Variants in PLCB1 observed in about 807,000 individuals in gnomAD.
PLCB1 encodes phospholipase C beta 1.
A neutral mutation model predicts 161.8 loss-of-function variants in PLCB1; 46 were observed. The ratio of observed to expected loss-of-function variants is 0.28; its 90% CI spans 0.22 to 0.36. The LOEUF is 0.36. Ranked by LOEUF, PLCB1 falls within the 10% of genes least tolerant of loss-of-function variation. The pLI is 1.00. For missense variants in PLCB1, 1,016 were observed against 1,472.5 expected (o/e 0.69, Z 5.07); for synonymous variants, 517 against 503.7 (o/e 1.03, Z -0.35).
At chr20:8,831,898 C>T (rs1204926730) in intron 31 of PLCB1, among the ~76,000 whole-genome samples, 2 of 129,174 alleles carry the variant, frequency 1.5e-5, no homozygotes, top group African/African-American at 5.4e-5. Context: ...CTTTCTTTCT[C>T]CCTCTCTTTC....
intron 3 of PLCB1, among the ~76,000 whole-genome samples, chr20:8,578,527 A>G (rs1047644759): frequency 6.6e-6 from 1 of 152,260 alleles, no homozygotes; most frequent in Non-Finnish European, 1.5e-5. Context: ...GTTATTTGCA[A>G]GAAGAGTAAA....
chr20:8,399,877 C>T (rs1978473168), intron 3 of PLCB1, among the ~76,000 whole-genome samples: 1 of 152,118 alleles, frequency 6.6e-6, no homozygotes, highest in South Asian at 2.1e-4. Flanking sequence ...GGTTATTCTG[C>T]CTTATAAACT....
intron 31 of PLCB1, among the ~76,000 whole-genome samples, chr20:8,820,472 A>T (rs1192964694): frequency 6.6e-6 from 1 of 152,190 alleles, no homozygotes; most frequent in South Asian, 2.1e-4. Flanking sequence ...TTTTAAGTCT[A>T]ACAATATCAA....
At chr20:8,677,500 C>G (rs533531333) in intron 9 of PLCB1, among the ~76,000 whole-genome samples, 18 of 152,244 alleles carry the variant, frequency 1.2e-4, no homozygotes, top group African/African-American at 3.4e-4. Context: ...AACAAGACAA[C>G]AGCTTTCAGA....
At chr20:8,151,794 C>T (rs116927882) in intron 2 of PLCB1, among the ~76,000 whole-genome samples, 6,859 of 152,180 alleles carry the variant, frequency 0.045, 206 homozygotes, top group Middle Eastern at 0.14. Context: ...AGAGACCAAA[C>T]TGTCAGTTTG....
intron 31 of PLCB1, among the ~76,000 whole-genome samples, chr20:8,805,185 TC>T (rs1984476577): frequency 6.6e-6 from 1 of 152,178 alleles, no homozygotes; most frequent in Non-Finnish European, 1.5e-5. Context: ...AAAAATATAT[TC>T]CTTGTTATCA....
intron 2 of PLCB1, among the ~76,000 whole-genome samples, chr20:8,215,370 A>G (rs1488637531): frequency 6.6e-6 from 1 of 152,048 alleles, no homozygotes; most frequent in Admixed American, 6.6e-5. Flanking sequence ...TGAAGCTAGG[A>G]TGCTTGGGGA....
intron 3 of PLCB1, among the ~76,000 whole-genome samples, chr20:8,481,141 A>G (rs991425561): frequency 1.3e-5 from 2 of 151,584 alleles, no homozygotes; most frequent in Admixed American, 1.3e-4. Context: ...AAAAAGAAAC[A>G]TGTAAAATAC....
chr20:8,336,796 A>G (rs1985597410), intron 2 of PLCB1, among the ~76,000 whole-genome samples: 1 of 152,204 alleles, frequency 6.6e-6, no homozygotes, highest in Non-Finnish European at 1.5e-5. Context: ...TGTTGATTAT[A>G]TAGGTGTTTC....
chr20:8,397,870 C>G (rs898125310), intron 3 of PLCB1, among the ~76,000 whole-genome samples: 4 of 151,976 alleles, frequency 2.6e-5, no homozygotes, highest in Non-Finnish European at 4.4e-5. Flanking sequence ...TGTGAATGAG[C>G]ATTTAGGTTG....
At position 8,788,466 on chromosome 20, in the gene PLCB1, G is replaced by A. The variant is rs141102170; in HGVS notation, c.3129G>A (p.Thr1043=). 1.4e-5 allele frequency: 23 copies of A among 1,613,398 alleles called. No individual in the cohort carries two copies. In the East Asian group the frequency reaches 1.8e-4, roughly 13 times the overall value. ...TTTTCCAGCTTATTCAAAAGTTGAC[G>A]GATGTCGCAGAAGAGTGTCAGAACA... ...EHIKLLIQKL[T]DVAEECQNNQ... is the part of the protein sequence containing the mutation. Residue 1043 remains threonine (T), a synonymous_variant, in exon 28 of 32, where the codon ACG becomes ACA. Transcript: ENST00000338037.
At chr20:8,604,937 G>T (rs959142480) in intron 3 of PLCB1, among the ~76,000 whole-genome samples, 1 of 151,884 alleles carries the variant, frequency 6.6e-6, no homozygotes, top group Admixed American at 6.6e-5. Context: ...TATCACTGGG[G>T]ATTTTTTTAA....
At chr20:8,673,732 A>G (rs1990005463) in intron 9 of PLCB1, among the ~76,000 whole-genome samples, 1 of 152,200 alleles carries the variant, frequency 6.6e-6, no homozygotes, top group South Asian at 2.1e-4. Context: ...ATGAAGCACA[A>G]AACCACTCAC....
chr20:8,571,337 A>G (rs1378995011), intron 3 of PLCB1, among the ~76,000 whole-genome samples: 2 of 152,050 alleles, frequency 1.3e-5, no homozygotes, highest in African/African-American at 4.8e-5. Flanking sequence ...CAAAAATTAG[A>G]TGGGCGTGGT....
At chr20:8,451,450 C>T (rs976889268) in intron 3 of PLCB1, among the ~76,000 whole-genome samples, 1 of 152,082 alleles carries the variant, frequency 6.6e-6, no homozygotes, top group Non-Finnish European at 1.5e-5. Context: ...TGGGTTCAAG[C>T]GATTCTCATG....
intron 3 of PLCB1, among the ~76,000 whole-genome samples, chr20:8,496,747 C>T (rs1200308126): frequency 2.6e-5 from 4 of 152,176 alleles, no homozygotes; most frequent in Admixed American, 2.6e-4. Flanking sequence ...CAGAGCAGAT[C>T]ATAAGTCAAT....
At position 8,532,461 on chromosome 20, in the gene PLCB1, C is replaced by T. The variant is rs1164883834; in HGVS notation, c.247-95833C>T. Among the ~76,000 whole-genome samples, 5 of 152,170 alleles carry T rather than the reference C, an allele frequency of 3.3e-5. No homozygotes were observed. In the East Asian group the frequency reaches 7.7e-4, roughly 23 times the overall value. On this transcript the variant is annotated intron_variant, in intron 3 of 31. Coordinates refer to ENST00000338037, the MANE Select transcript of PLCB1 (RefSeq NM_015192.4). ...TTCCCAGGGAGTTGCAAGAGAGGTCCTCATGTTCCTGTCTTCACTTTCCAT... is the reference window on the plus strand; with the variant it reads ...TTCCCAGGGAGTTGCAAGAGAGGTCTTCATGTTCCTGTCTTCACTTTCCAT...
intron 3 of PLCB1, among the ~76,000 whole-genome samples, chr20:8,553,582 C>A (rs961833917): frequency 1.3e-5 from 2 of 152,098 alleles, no homozygotes; most frequent in African/African-American, 4.8e-5. Flanking sequence ...ATTTTTAAAT[C>A]TTTTATTCTT....
intron 31 of PLCB1, among the ~76,000 whole-genome samples, chr20:8,832,682 C>T (rs951909804): frequency 6.6e-6 from 1 of 152,192 alleles, no homozygotes; most frequent in African/African-American, 2.4e-5. Context: ...GAATCAGAAT[C>T]GAAAGCCTGG....
Sources: gnomAD v4.1 joint callset for allele counts (sites outside exome capture counted in the v4.1 genomes callset) on GRCh38, gnomAD v4.1.1 for gene constraint, MANE v1.5 for transcripts, NCBI Gene and HGNC (gene_info 2026-07-23, HGNC 2026-07-21) for gene names.